Variants in CIAO1 observed in about 807,000 individuals in gnomAD.
CIAO1 encodes the protein probable cytosolic iron-sulfur protein assembly protein CIAO1.
In CIAO1, 32 loss-of-function variants were observed where a neutral mutation model predicts 43.1. That is an observed-to-expected ratio of 0.74 (90% confidence interval 0.56 to 1.00). The LOEUF (loss-of-function observed/expected upper bound fraction) is 1.00, where lower values mean the gene tolerates loss of function less well. CIAO1 is among the 50% of genes least tolerant of loss of function. CIAO1 has a pLI of 0.00. For missense variants in CIAO1, 415 were observed against 437.4 expected, an observed-to-expected ratio of 0.95 and a Z score of 0.46; for synonymous variants, 183 against 171.4, an observed-to-expected ratio of 1.07 and a Z score of -0.53.
intron 3 of CIAO1, 38 bp from the exon 4 acceptor site, chr2:96,267,798 C>A (rs375787102): frequency 1.9e-6 from 3 of 1,612,214 alleles, no homozygotes; most frequent in Admixed American, 3.3e-5. Flanking sequence ...GTGTCCCTGA[C>A]AGGGTCGGCT....
At chr2:96,269,137 G>C in intron 5 of CIAO1, 131 bp from the exon 6 acceptor site, 1 of 755,820 alleles carries the variant, frequency 1.3e-6, no homozygotes, top group South Asian at 1.6e-5. Flanking sequence ...AGATAAGCAG[G>C]GATGGGGACA....
rs747374312 is a variant in CIAO1 at position 96,268,504 on chromosome 2, G to A, written c.537G>A (p.Glu179=). The A allele has an allele frequency of 1.2e-6, 2 of 1,614,238 alleles. No individual in the cohort carries two copies. The highest frequency in any genetic ancestry group is 1.7e-6 in the Non-Finnish European group (2 of 1,180,050). The change falls in exon 5 of 7, where the codon GAG becomes GAA. Residue 179 remains glutamate, a synonymous_variant. Coordinates refer to ENST00000488633, the MANE Select transcript of CIAO1 (RefSeq NM_004804.3). ...ATGACACAGTGAAGCTGTACCGGGA[G>A]GAAGAGGATGACTGGGTATGCTGTG... ...SYDDTVKLYR[E]EEDDWVCCAT...
At chr2:96,269,584 G>A (rs1684505645) in intron 6 of CIAO1, among the ~76,000 whole-genome samples, 1 of 152,206 alleles carries the variant, frequency 6.6e-6, no homozygotes, top group South Asian at 2.1e-4. Flanking sequence ...AGCGCTAGAG[G>A]TTCGCACAGC....
In CIAO1 at chr2:96,273,662, C is replaced by CAA. The variant is rs57198918; in HGVS notation, c.*2334_*2335dup. Among the ~76,000 whole-genome samples, 40 of 55,940 alleles carry CAA rather than the reference C, an allele frequency of 7.2e-4. No individual in the cohort carries two copies. The highest frequency in any genetic ancestry group is 1.5e-3 in the South Asian group (2 of 1,344). 36.7% of individuals were successfully genotyped at this position (55,940 alleles called of 152,430 possible). A position where few individuals can be genotyped will look rare whatever the true frequency, so the allele number is the denominator to read the frequency against. On this transcript the variant is annotated 3_prime_UTR_variant, in exon 7 of 7. Transcript: ENST00000488633. ...TGGGTGACAGAGCGAGACTCCATTT[C>CAA]AAAAAAAAAAAAAAAAAAAAAAAAT...
chr2:96,271,399 TAA>T lies in CIAO1; in HGVS notation c.*49_*50del. On this transcript the variant is annotated 3_prime_UTR_variant, in exon 7 of 7. Coordinates refer to ENST00000488633, the MANE Select transcript of CIAO1 (RefSeq NM_004804.3). ...TAATGACTCCCCAGAAAACGTCATA[TAA>T]GACTTTACCAGCCCCTGAGAGGACC... is the stretch of plus-strand genomic sequence containing the variant. 6.3e-7 allele frequency: 1 copy of T among 1,595,210 alleles called. No individual in the cohort carries two copies. Among genetic ancestry groups the T allele is most frequent in the Admixed American group, 1.7e-5 (1 of 59,200 alleles).
In CIAO1 at chr2:96,268,505, G is replaced by GA; in HGVS notation, c.540dup (p.Glu181ArgfsTer3). 1 of 1,614,230 alleles carries GA rather than the reference G, an allele frequency of 6.2e-7. No homozygotes were observed. The highest frequency in any genetic ancestry group is 8.5e-7 in the Non-Finnish European group (1 of 1,180,048). On this transcript the variant is annotated frameshift_variant, in exon 5 of 7. Coordinates refer to ENST00000488633, the MANE Select transcript of CIAO1 (RefSeq NM_004804.3). LOFTEE classifies it high-confidence loss of function. ...TGACACAGTGAAGCTGTACCGGGAGGAAGAGGATGACTGGGTATGCTGTGC... is the reference window on the plus strand; with the variant it reads ...TGACACAGTGAAGCTGTACCGGGAGGAAAGAGGATGACTGGGTATGCTGTGC...
Position 96,273,091 on chromosome 2 carries a change from G to A in CIAO1, c.*1740G>A, listed in dbSNP as rs540989384. 1 of 152,328 alleles carries A rather than the reference G, an allele frequency of 6.6e-6. No individual in the cohort carries two copies. Among genetic ancestry groups the A allele is most frequent in the South Asian group, 2.1e-4 (1 of 4,834 alleles). 9.4% of individuals were successfully genotyped at this position (152,328 alleles called of 1,614,324 possible). On this transcript the variant is annotated 3_prime_UTR_variant, in exon 7 of 7. Transcript: ENST00000488633. ...GGAAACAACTGATAGTGTTGCCAGT[G>A]ATAAAGCTTTCAAGCAAAAATTGGA...
Position 96,266,430 on chromosome 2 carries a change from C to T in CIAO1, c.80C>T (p.Ala27Val). The change falls in exon 1 of 7, where the codon GCG becomes GTG. Residue 27 changes from alanine to valine, a missense_variant. Physicochemically the swap from Ala to Val is moderately conservative, Grantham distance 64 (BLOSUM62 0). Transcript: ENST00000488633. ...SRCWFLAWNP[A>V]GTLLASCGGD... ...TGCTGGTTCCTGGCCTGGAACCCCG[C>T]GGGGACCCTGCTGGCCTCGTGCGGC... The T allele has an allele frequency of 6.4e-7, 1 of 1,562,110 alleles. No individual in the cohort carries two copies. Among genetic ancestry groups the T allele is most frequent in the Non-Finnish European group, 8.7e-7 (1 of 1,150,408 alleles).
chr2:96,273,661 T>C lies in CIAO1; in HGVS notation c.*2310T>C, dbSNP rs1165083602. ...CTGGGTGACAGAGCGAGACTCCATTTCAAAAAAAAAAAAAAAAAAAAAAAA... is the reference window on the plus strand; with the variant it reads ...CTGGGTGACAGAGCGAGACTCCATTCCAAAAAAAAAAAAAAAAAAAAAAAA... On this transcript the variant is annotated 3_prime_UTR_variant, in exon 7 of 7. Coordinates refer to ENST00000488633, the MANE Select transcript of CIAO1 (RefSeq NM_004804.3). Among the ~76,000 whole-genome samples the C allele has an allele frequency of 5.5e-5, 5 of 90,752 alleles. No individual in the cohort carries two copies. The highest frequency in any genetic ancestry group is 3.5e-4 in the South Asian group (1 of 2,884). 59.5% of individuals were successfully genotyped at this position (90,752 alleles called of 152,430 possible). A position where few individuals can be genotyped will look rare whatever the true frequency, so the allele number is the denominator to read the frequency against.
chr2:96,266,239 C>G lies in CIAO1; in HGVS notation c.-112C>G. ...CCAGGTCCTCCGGCGGAAGCGGGAG[C>G]CTCTGTCGGCCGCGGAAGCCTGGAG... On this transcript the variant is annotated 5_prime_UTR_variant, in exon 1 of 7. Transcript: ENST00000488633. 1 of 1,196,796 alleles carries G rather than the reference C, an allele frequency of 8.4e-7. No individual in the cohort carries two copies. The highest frequency in any genetic ancestry group is 1.1e-6 in the Non-Finnish European group (1 of 941,834). The allele number at this position is 1,196,796 out of a possible 1,614,324, so 74.1% of individuals were successfully genotyped here.
intron 1 of CIAO1, among the ~76,000 whole-genome samples, chr2:96,266,691 G>C (rs903752027): frequency 6.6e-6 from 1 of 152,242 alleles, no homozygotes; most frequent in Non-Finnish European, 1.5e-5. Context: ...GAAATGTCAA[G>C]GGAATTGTGT....
Position 96,266,338 on chromosome 2 carries a change from G to C in CIAO1, c.-13G>C, listed in dbSNP as rs764756576. ...ACTCTGCCCGCCCCCACCTCCCCCT[G>C]CGTCGGGCCGACATGAAGGACTCGC... On this transcript the variant is annotated 5_prime_UTR_variant, in exon 1 of 7. Coordinates refer to ENST00000488633, the MANE Select transcript of CIAO1 (RefSeq NM_004804.3). 12 of 1,398,910 alleles carry C rather than the reference G, an allele frequency of 8.6e-6. No homozygotes were observed. The African/African-American group carries it at 1.8e-4, about 21-fold the overall frequency. The allele number at this position is 1,398,910 out of a possible 1,614,324, so 86.7% of individuals were successfully genotyped here.
intron 4 of CIAO1, 66 bp from the exon 5 acceptor site, chr2:96,268,391 C>A: frequency 7.6e-7 from 1 of 1,321,042 alleles, no homozygotes. Flanking sequence ...ATACCTGGAA[C>A]TGACCTGTCC....
chr2:96,268,711 T>A (rs993774739), intron 5 of CIAO1, 53 bp downstream of exon 5: 39 of 1,581,460 alleles, frequency 2.5e-5, no homozygotes, highest in Admixed American at 8.4e-5. Flanking sequence ...GGGTTCACAG[T>A]CTGCTAAGAC....
chr2:96,269,376 C>T, intron 6 of CIAO1, 21 bp downstream of exon 6: 2 of 1,592,178 alleles, frequency 1.3e-6, no homozygotes, highest in Non-Finnish European at 1.7e-6. Context: ...ATCCCCCCAC[C>T]CCATCCCATC....
Position 96,267,409 on chromosome 2 carries a change from G to C in CIAO1, c.228G>C (p.Leu76=). Reference sequence around the variant, plus strand: ...CCTGGTCCCCCTGCGGTAATTACCTGGCCTCTGCCAGCTTTGATGCTACCA... The same window carrying C: ...CCTGGTCCCCCTGCGGTAATTACCTCGCCTCTGCCAGCTTTGATGCTACCA... ...KVAWSPCGNY[L]ASASFDATTC... Residue 76 remains leucine, a synonymous_variant, in exon 2 of 7, where the codon CTG becomes CTC. Transcript: ENST00000488633. The C allele has an allele frequency of 6.2e-7, 1 of 1,614,168 alleles. No homozygotes were observed. The highest frequency in any genetic ancestry group is 8.5e-7 in the Non-Finnish European group (1 of 1,180,022).
chr2:96,271,100 T>G lies in CIAO1; in HGVS notation c.780-11T>G, dbSNP rs200681392. 6.2e-6 allele frequency: 10 copies of G among 1,614,132 alleles called. No individual in the cohort carries two copies. In the South Asian group the frequency reaches 8.8e-5, roughly 14 times the overall value. ...AGTCAGGTATACCCACTGATGTCAC[T>G]TTCCTTCCAGGTGTCAGCTGACAGG... On this transcript the variant is annotated splice_polypyrimidine_tract_variant and intron_variant, in intron 6 of 6. Transcript: ENST00000488633.
Position 96,267,303 on chromosome 2 carries a change from C to A in CIAO1, c.140-18C>A, listed in dbSNP as rs1180361019. ...TGCTGCACCCAGCTCCAGAGCCTGG[C>A]CTGCGCTCCGCCTTTAGGTGACAGC... On this transcript the variant is annotated intron_variant, in intron 1 of 6. Transcript: ENST00000488633. 1.9e-6 allele frequency: 3 copies of A among 1,603,980 alleles called. No homozygotes were observed. Among genetic ancestry groups the A allele is most frequent in the Non-Finnish European group, 2.6e-6 (3 of 1,173,036 alleles).
At position 96,268,597 on chromosome 2, in the gene CIAO1, G is replaced by A. The variant is rs192314683; in HGVS notation, c.630G>A (p.Ala210=). 49 of 1,614,198 alleles carry A rather than the reference G, an allele frequency of 3.0e-5. No individual in the cohort carries two copies. The highest frequency in any genetic ancestry group is 1.0e-4 in the Admixed American group (6 of 60,020). The change falls in exon 5 of 7, where the codon GCG becomes GCA. Residue 210 remains alanine, a synonymous_variant. Coordinates refer to ENST00000488633, the MANE Select transcript of CIAO1 (RefSeq NM_004804.3). The part of the protein sequence containing the change: ...LAFDPSGQRL[A]SCSDDRTVRI... ...TTGACCCGAGTGGCCAGCGCCTGGC[G>A]TCTTGTAGTGATGACCGTACTGTGC... is the stretch of plus-strand genomic sequence containing the variant.
Sources: gnomAD v4.1 joint callset for allele counts (sites outside exome capture counted in the v4.1 genomes callset) on GRCh38, gnomAD v4.1.1 for gene constraint, MANE v1.5 for transcripts, NCBI Gene and HGNC (gene_info 2026-07-23, HGNC 2026-07-21) for gene names.